Variants in ZNF723 observed in about 807,000 individuals in gnomAD.
The protein encoded by ZNF723 is zinc finger protein 723, also known as zinc finger protein 723, pseudogene.
Under a neutral mutation model 9.4 loss-of-function variants are expected in ZNF723, and 5 were observed. The observed-to-expected ratio is 0.53, with a 90% CI of 0.28 to 1.12. ZNF723 has a LOEUF of 1.12. ZNF723 is among the 50% of genes most tolerant of loss of function. The pLI, the probability that ZNF723 is intolerant of heterozygous loss-of-function variation, is 0.10. For synonymous variants in ZNF723, 158 were observed against 168.8 expected (o/e 0.94, Z 0.49); for missense variants, 450 against 501.5 (o/e 0.90, Z 0.98).
At chr19:22,831,886 C>G (rs1360486222), upstream of ZNF723, among the ~76,000 whole-genome samples, 1 of 150,432 alleles carries the variant, frequency 6.6e-6, no homozygotes. Context: ...CCATCCTGGG[C>G]GACAAGAGCG....
intron 3 of ZNF723, among the ~76,000 whole-genome samples, chr19:22,850,472 G>T (rs536531103): frequency 6.8e-6 from 1 of 147,924 alleles, no homozygotes; most frequent in East Asian, 2.0e-4. Flanking sequence ...CTCCCAAAGT[G>T]CTGGGATCAC....
At chr19:22,823,774 T>A in the ZNF723 span, among the ~76,000 whole-genome samples, 1 of 152,214 alleles carries the variant, frequency 6.6e-6, no homozygotes, top group Non-Finnish European at 1.5e-5. Context: ...TAGAAGTAAT[T>A]GTGACATATT....
chr19:22,813,265 G>T, the ZNF723 span, among the ~76,000 whole-genome samples: 2 of 152,120 alleles, frequency 1.3e-5, no homozygotes, highest in Non-Finnish European at 2.9e-5. Context: ...TGTCTTGCAG[G>T]TGTTATTGTG....
At chr19:22,847,383 T>C (rs1043205873) in intron 1 of ZNF723, among the ~76,000 whole-genome samples, 1 of 152,178 alleles carries the variant, frequency 6.6e-6, no homozygotes, top group African/African-American at 2.4e-5. Flanking sequence ...AGTTTCATCT[T>C]TTATAGTCCA....
At chr19:22,847,533 A>G (rs917827873) in intron 1 of ZNF723, among the ~76,000 whole-genome samples, 2 of 152,068 alleles carry the variant, frequency 1.3e-5, no homozygotes, top group Admixed American at 6.5e-5. Context: ...TTCTGGAAAA[A>G]AAAAAAATCT....
At chr19:22,844,439 A>C (rs1165481348) in intron 1 of ZNF723, among the ~76,000 whole-genome samples, 1 of 152,210 alleles carries the variant, frequency 6.6e-6, no homozygotes, top group Non-Finnish European at 1.5e-5. Flanking sequence ...CCCTTAACCT[A>C]ATGCTGGGAA....
At chr19:22,838,835 C>T (rs1244033689) in intron 1 of ZNF723, among the ~76,000 whole-genome samples, 2 of 152,088 alleles carry the variant, frequency 1.3e-5, no homozygotes, top group African/African-American at 4.8e-5. Flanking sequence ...GCAACCTCTG[C>T]CTCCTGGGTT....
At chr19:22,847,057 AT>A (rs1967322423) in intron 1 of ZNF723, among the ~76,000 whole-genome samples, 1 of 145,684 alleles carries the variant, frequency 6.9e-6, no homozygotes, top group African/African-American at 2.5e-5. Context: ...TTTTACTATA[AT>A]TTTTTTCTTT....
upstream of ZNF723, among the ~76,000 whole-genome samples, chr19:22,829,336 A>C (rs1452566420): frequency 4.1e-5 from 6 of 147,700 alleles, no homozygotes; most frequent in Admixed American, 4.1e-4. Flanking sequence ...CCCAGACTGG[A>C]GTGCAGCGGC....
upstream of ZNF723, among the ~76,000 whole-genome samples, chr19:22,831,716 T>C (rs954396594): frequency 6.6e-6 from 1 of 152,064 alleles, no homozygotes; most frequent in Non-Finnish European, 1.5e-5. Flanking sequence ...GAGACCAGTC[T>C]GGCCAACAGG....
the ZNF723 span, among the ~76,000 whole-genome samples, chr19:22,814,390 T>C: frequency 6.6e-6 from 1 of 152,180 alleles, no homozygotes; most frequent in African/African-American, 2.4e-5. Flanking sequence ...CATTCTCCCA[T>C]ATGAACATGG....
At chr19:22,838,397 C>T (rs1180149024) in intron 1 of ZNF723, among the ~76,000 whole-genome samples, 1 of 151,952 alleles carries the variant, frequency 6.6e-6, no homozygotes, top group Non-Finnish European at 1.5e-5. Context: ...ACTAAAAACA[C>T]AAAAATTAGC....
intron 3 of ZNF723, among the ~76,000 whole-genome samples, chr19:22,849,537 T>A (rs1432986441): frequency 1.3e-5 from 2 of 152,202 alleles, no homozygotes; most frequent in East Asian, 3.8e-4. Flanking sequence ...AGCCAAAGTC[T>A]TCTTCATGGC....
At chr19:22,834,663 C>T (rs1967143418) in intron 1 of ZNF723, among the ~76,000 whole-genome samples, 1 of 152,090 alleles carries the variant, frequency 6.6e-6, no homozygotes, top group Admixed American at 6.6e-5. Flanking sequence ...AGAGGCATCT[C>T]CTGGCATATT....
At chr19:22,815,123 C>G in the ZNF723 span, among the ~76,000 whole-genome samples, 1 of 152,078 alleles carries the variant, frequency 6.6e-6, no homozygotes, top group Non-Finnish European at 1.5e-5. Flanking sequence ...AGAATTCTGA[C>G]ATATCACTGG....
At position 22,857,282 on chromosome 19, in the gene ZNF723, G is replaced by A. The variant is rs1967492458; in HGVS notation, c.391G>A (p.Asp131Asn). Reference sequence around the variant, plus strand: ...GTGTAAGATGCACAAAGGAGGTTATGATGAACTTAAGCAATGTTTGACAAC... The same window carrying A: ...GTGTAAGATGCACAAAGGAGGTTATAATGAACTTAAGCAATGTTTGACAAC... ...DECKMHKGGY[D>N]ELKQCLTTTP... Residue 131 changes from aspartate to asparagine, a missense_variant, in exon 4 of 4, where the codon GAT becomes AAT. This residue lies in a region of ZNF723 where 143 missense variants were observed against 101.3 expected (regional missense o/e 1.41). Transcript: ENST00000600766. The A allele has an allele frequency of 4.9e-6, 4 of 816,102 alleles. No individual in the cohort carries two copies. Among genetic ancestry groups the A allele is most frequent in the South Asian group, 1.4e-5 (1 of 73,556 alleles). The allele number at this position is 816,102 out of a possible 1,614,324, so 50.6% of individuals were successfully genotyped here. A position where few individuals can be genotyped will look rare whatever the true frequency, so the allele number is the denominator to read the frequency against.
chr19:22,858,488 C>T lies in ZNF723; in HGVS notation c.*55C>T. On this transcript the variant is annotated 3_prime_UTR_variant, in exon 4 of 4. Transcript: ENST00000600766. ...TTAAACATAAAAGAAATGCTGGTGGCCAGGCACAGTAGCTTACGCCTGTAA... is the reference window on the plus strand; with the variant it reads ...TTAAACATAAAAGAAATGCTGGTGGTCAGGCACAGTAGCTTACGCCTGTAA... 1 of 618,018 alleles carries T rather than the reference C, an allele frequency of 1.6e-6. No homozygotes were observed. The allele number at this position is 618,018 out of a possible 1,614,324, so 38.3% of individuals were successfully genotyped here.
chr19:22,837,090 C>T (rs1967176496), intron 1 of ZNF723, among the ~76,000 whole-genome samples: 1 of 151,862 alleles, frequency 6.6e-6, no homozygotes, highest in South Asian at 2.1e-4. Context: ...GTCAGGAATT[C>T]AAGACGAGCC....
upstream of ZNF723, among the ~76,000 whole-genome samples, chr19:22,830,008 C>A (rs1967077767): frequency 6.6e-6 from 1 of 151,808 alleles, no homozygotes; most frequent in African/African-American, 2.4e-5. Context: ...ATTTTTTGCT[C>A]AGTTTAAGCC....
Sources: gnomAD v4.1 joint callset for allele counts (sites outside exome capture counted in the v4.1 genomes callset) on GRCh38, gnomAD v4.1.1 for gene constraint, gnomAD v4.1.1 regional missense constraint, MANE v1.5 for transcripts, NCBI Gene and HGNC (gene_info 2026-07-23, HGNC 2026-07-21) for gene names.